Variants in WWC2 observed in about 807,000 individuals in gnomAD.
The protein encoded by WWC2 is WW and C2 domain containing 2.
Under a neutral mutation model 138.5 loss-of-function variants are expected in WWC2, and 101 were observed. That is an observed-to-expected ratio of 0.73 (90% CI 0.62 to 0.86). The LOEUF (loss-of-function observed/expected upper bound fraction) is 0.86, where lower values mean the gene tolerates loss of function less well. WWC2 is among the 40% of genes least tolerant of loss of function. WWC2 has a pLI of 0.00. For synonymous variants in WWC2, 558 were observed against 538.4 expected, an observed-to-expected ratio of 1.04 and a Z score of -0.50; for missense variants, 1,420 against 1,419.4, an observed-to-expected ratio of 1.00 and a Z score of -0.01.
chr4:183,249,119 A>C (rs959107527), intron 7 of WWC2, among the ~76,000 whole-genome samples: 1 of 152,178 alleles, frequency 6.6e-6, no homozygotes, highest in Non-Finnish European at 1.5e-5. Context: ...ACACGCTGAA[A>C]GGCTAGAGGC....
intron 1 of WWC2, among the ~76,000 whole-genome samples, chr4:183,133,978 G>A (rs1733029479): frequency 6.6e-6 from 1 of 151,988 alleles, no homozygotes; most frequent in African/African-American, 2.4e-5. Context: ...TTTCTTTATT[G>A]CTTACAAAAC....
At chr4:183,215,372 G>C (rs751217066) in intron 4 of WWC2, among the ~76,000 whole-genome samples, 2 of 152,022 alleles carry the variant, frequency 1.3e-5, no homozygotes, top group African/African-American at 4.8e-5. Flanking sequence ...GTTAGTGTTG[G>C]GTTAGAAAAT....
intron 2 of WWC2, among the ~76,000 whole-genome samples, chr4:183,197,623 G>T (rs574962754): frequency 6.6e-6 from 1 of 152,052 alleles, no homozygotes; most frequent in Non-Finnish European, 1.5e-5. Flanking sequence ...ATCAGTGAGG[G>T]ATGTTTGCAG....
intron 1 of WWC2, among the ~76,000 whole-genome samples, chr4:183,174,851 C>T (rs1405335815): frequency 6.6e-6 from 1 of 151,702 alleles, no homozygotes. Context: ...CTGTAATATT[C>T]TACAAGTATA....
At chr4:183,306,800 T>A (rs1739035501) in intron 21 of WWC2, among the ~76,000 whole-genome samples, 1 of 145,876 alleles carries the variant, frequency 6.9e-6, no homozygotes, top group Admixed American at 7.4e-5. Flanking sequence ...GTGCTGGGAT[T>A]ACAGGCATGA....
intron 21 of WWC2, among the ~76,000 whole-genome samples, chr4:183,290,830 T>C (rs1738424816): frequency 6.6e-6 from 1 of 152,224 alleles, no homozygotes. Flanking sequence ...AACTGCTCTT[T>C]TTGACCCAGA....
chr4:183,285,029 A>G (rs1455849761), intron 19 of WWC2, among the ~76,000 whole-genome samples: 1 of 152,194 alleles, frequency 6.6e-6, no homozygotes, highest in African/African-American at 2.4e-5. Context: ...GCTTTTAAGC[A>G]TTTTCTTAAA....
intron 1 of WWC2, among the ~76,000 whole-genome samples, chr4:183,133,080 C>CCCTTTTCTTTTTCCTTCCCTCTTCT (rs1732985957): frequency 7.2e-6 from 1 of 139,176 alleles, no homozygotes; most frequent in Non-Finnish European, 1.6e-5. Flanking sequence ...TTCCCTCTTC[C>CCCTTTTCTTTTTCCTTCCCTCTTCT]CTTACCTTTT....
At chr4:183,225,557 T>C (rs147046696) in intron 4 of WWC2, among the ~76,000 whole-genome samples, 192 of 152,186 alleles carry the variant, frequency 1.3e-3, no homozygotes, top group African/African-American at 4.4e-3. Context: ...CACAAAACAT[T>C]TAAAGAAAAG....
chr4:183,217,938 T>A (rs1735803269), intron 4 of WWC2, among the ~76,000 whole-genome samples: 1 of 151,934 alleles, frequency 6.6e-6, no homozygotes, highest in African/African-American at 2.4e-5. Flanking sequence ...AAAAAGATCA[T>A]ACCAAAGCAC....
chr4:183,320,461 G>A lies in WWC2; in HGVS notation c.*4732G>A, dbSNP rs1739607041. On this transcript the variant is annotated 3_prime_UTR_variant, in exon 23 of 23. Coordinates refer to ENST00000403733, the MANE Select transcript of WWC2 (RefSeq NM_024949.6). ...GGCCAAGATTGTGTTTGTGTCCTGT[G>A]GGCTGGATTTGACAGAAAGCAGTTT... The A allele has an allele frequency of 3.8e-6, 2 of 523,682 alleles. No homozygotes were observed. The highest frequency in any genetic ancestry group is 3.5e-5 in the South Asian group (1 of 28,692). 32.4% of individuals were successfully genotyped at this position (523,682 alleles called of 1,614,324 possible).
At chr4:183,109,104 A>G (rs962958418) in intron 1 of WWC2, among the ~76,000 whole-genome samples, 3 of 152,366 alleles carry the variant, frequency 2.0e-5, no homozygotes, top group South Asian at 4.1e-4. Flanking sequence ...TGGTGGAAGC[A>G]TAACCATGTT....
chr4:183,302,518 G>A (rs184345237), intron 21 of WWC2, among the ~76,000 whole-genome samples: 3 of 152,174 alleles, frequency 2.0e-5, no homozygotes, highest in Non-Finnish European at 2.9e-5. Flanking sequence ...TGTCGACGTC[G>A]ATCTCTCTCT....
intron 1 of WWC2, among the ~76,000 whole-genome samples, chr4:183,160,186 C>T (rs1733919736): frequency 6.6e-6 from 1 of 152,216 alleles, no homozygotes; most frequent in Non-Finnish European, 1.5e-5. Context: ...TTTTTCAACT[C>T]TATCAGTAAT....
Position 183,259,729 on chromosome 4 carries a change from G to A in WWC2, c.1286+1G>A. ...CTTATTTGCATTCACAACTTAAAAG[G>A]TGAGCTTATCAGATTTTTGAGGGGA... On this transcript the variant is annotated splice_donor_variant, in intron 10 of 22. Transcript: ENST00000403733. LOFTEE classifies it high-confidence loss of function. 7 of 1,538,754 alleles carry A rather than the reference G, an allele frequency of 4.5e-6. No individual in the cohort carries two copies. Among genetic ancestry groups the A allele is most frequent in the South Asian group, 3.7e-5 (3 of 80,354 alleles).
chr4:183,314,564 C>T (rs933813029), intron 22 of WWC2, among the ~76,000 whole-genome samples: 1 of 152,202 alleles, frequency 6.6e-6, no homozygotes, highest in Non-Finnish European at 1.5e-5. Context: ...GGCACCACCC[C>T]AGCTGCTTGT....
chr4:183,242,600 G>A (rs1486363540), intron 5 of WWC2, among the ~76,000 whole-genome samples: 1 of 152,158 alleles, frequency 6.6e-6, no homozygotes, highest in Non-Finnish European at 1.5e-5. Flanking sequence ...TTGGAAAACA[G>A]GCTAGTGATG....
At chr4:183,099,679 A>G in intron 1 of WWC2, 57 bp downstream of exon 1, 1 of 1,186,686 alleles carries the variant, frequency 8.4e-7, no homozygotes, top group East Asian at 4.0e-5. Context: ...GTTGTCCCGG[A>G]GACCCGGCCG....
intron 20 of WWC2, among the ~76,000 whole-genome samples, chr4:183,286,425 G>C (rs1453504481): frequency 2.0e-5 from 3 of 152,042 alleles, no homozygotes; most frequent in African/African-American, 7.2e-5. Flanking sequence ...TGTAAGACCT[G>C]GTACCTTTTC....
Sources: gnomAD v4.1 joint callset for allele counts (sites outside exome capture counted in the v4.1 genomes callset) on GRCh38, gnomAD v4.1.1 for gene constraint, MANE v1.5 for transcripts, NCBI Gene and HGNC (gene_info 2026-07-23, HGNC 2026-07-21) for gene names.